EHMT1: variants seen among roughly 807,000 people sequenced by gnomAD.
EHMT1 encodes the protein histone-lysine N-methyltransferase EHMT1.
A neutral mutation model predicts 147.2 loss-of-function variants in EHMT1; 15 were observed. The ratio of observed to expected loss-of-function variants is 0.10; its 90% CI spans 0.07 to 0.16. The LOEUF is 0.16. Among genes scored for constraint, EHMT1 ranks in the 10% least tolerant of loss-of-function variants. The pLI is 1.00. For synonymous variants in EHMT1, 795 were observed against 709.6 expected, an observed-to-expected ratio of 1.12 and a Z score of -1.91; for missense variants, 1,587 against 1,772.4, an observed-to-expected ratio of 0.90 and a Z score of 1.88.
At chr9:137,636,846 G>A (rs545344408) in intron 1 of EHMT1, among the ~76,000 whole-genome samples, 2 of 150,234 alleles carry the variant, frequency 1.3e-5, no homozygotes, top group African/African-American at 4.9e-5. Flanking sequence ...TGGTCTGTAG[G>A]TACCTCTTTT....
At chr9:137,804,038 G>A (rs1261982350) in intron 18 of EHMT1, among the ~76,000 whole-genome samples, 1 of 152,162 alleles carries the variant, frequency 6.6e-6, no homozygotes, top group Non-Finnish European at 1.5e-5. Context: ...GGCAGAAGGT[G>A]AAGGAGAAGC....
At chr9:137,812,936 A>T (rs937565378) in intron 19 of EHMT1, 70 bp from the exon 20 acceptor site, 1 of 1,589,860 alleles carries the variant, frequency 6.3e-7, no homozygotes, top group African/African-American at 1.3e-5. Flanking sequence ...CGGACATTTT[A>T]TAAATCTCAT....
At chr9:137,726,173 A>G (rs1013795975) in intron 3 of EHMT1, among the ~76,000 whole-genome samples, 2 of 152,182 alleles carry the variant, frequency 1.3e-5, no homozygotes, top group African/African-American at 4.8e-5. Context: ...GCTCAGTGGC[A>G]TTAAGCACAT....
At chr9:137,623,456 C>T (rs890013472) in intron 1 of EHMT1, among the ~76,000 whole-genome samples, 1 of 151,890 alleles carries the variant, frequency 6.6e-6, no homozygotes, top group Non-Finnish European at 1.5e-5. Flanking sequence ...GCTCCGTCGC[C>T]CAGGCTGGAG....
chr9:137,830,317 C>A (rs1956103990), intron 25 of EHMT1, among the ~76,000 whole-genome samples: 1 of 152,142 alleles, frequency 6.6e-6, no homozygotes, highest in African/African-American at 2.4e-5. Context: ...TGTCCTTGTG[C>A]TTTTGGAAGA....
chr9:137,808,384 A>G (rs906886259), intron 18 of EHMT1, among the ~76,000 whole-genome samples: 1 of 152,170 alleles, frequency 6.6e-6, no homozygotes, highest in Non-Finnish European at 1.5e-5. Context: ...GCTCCCTCAC[A>G]GACTCGCCTC....
chr9:137,666,485 G>C (rs1048876674), intron 1 of EHMT1, among the ~76,000 whole-genome samples: 4 of 152,252 alleles, frequency 2.6e-5, no homozygotes, highest in Non-Finnish European at 5.9e-5. Flanking sequence ...GGCTGGGAAG[G>C]GATGACACTG....
chr9:137,687,242 G>A (rs1942535239), intron 1 of EHMT1, among the ~76,000 whole-genome samples: 1 of 151,920 alleles, frequency 6.6e-6, no homozygotes, highest in Non-Finnish European at 1.5e-5. Context: ...GTATTAAATG[G>A]GAAAATGTGA....
At chr9:137,823,657 C>T (rs186846033) in intron 25 of EHMT1, among the ~76,000 whole-genome samples, 7,001 of 152,158 alleles carry the variant, frequency 0.046, 510 homozygotes, top group African/African-American at 0.15. Flanking sequence ...GTGATCCGCC[C>T]GCCTCGGCCT....
Position 137,787,591 on chromosome 9 carries a change from A to ACCGCCT in EHMT1, c.2383-3255_2383-3250dup, listed in dbSNP as rs1296773134. 1 of 487,876 alleles carries ACCGCCT rather than the reference A, an allele frequency of 2.0e-6. No homozygotes were observed. The highest frequency in any genetic ancestry group is 3.7e-6 in the Non-Finnish European group (1 of 268,246). The allele number at this position is 487,876 out of a possible 1,614,324, so 30.2% of individuals were successfully genotyped here. A position where few individuals can be genotyped will look rare whatever the true frequency, so the allele number is the denominator to read the frequency against. On this transcript the variant is annotated intron_variant, in intron 15 of 26. Coordinates refer to ENST00000460843, the MANE Select transcript of EHMT1 (RefSeq NM_024757.5). The surrounding 1 kb of genome is among the most constrained non-coding windows in gnomAD (Gnocchi z 4.2). ...TTCGAGGCTGCTGTGGTCGCAGACA[A>ACCGCCT]CCGCCTCGCCTTGGCTCCCTGGCAA...
intron 6 of EHMT1, among the ~76,000 whole-genome samples, chr9:137,745,282 TC>T (rs1948450110): frequency 6.6e-6 from 1 of 152,224 alleles, no homozygotes. Context: ...TGTGTTTTCT[TC>T]CTTTTGCTTC....
At chr9:137,833,871 C>T (rs1157657666) in intron 25 of EHMT1, among the ~76,000 whole-genome samples, 2 of 152,254 alleles carry the variant, frequency 1.3e-5, no homozygotes, top group Non-Finnish European at 1.5e-5. Context: ...TTCCCAGACC[C>T]TCTGGGGACT....
chr9:137,831,291 A>G (rs1956169143), intron 25 of EHMT1, among the ~76,000 whole-genome samples: 1 of 152,188 alleles, frequency 6.6e-6, no homozygotes, highest in Non-Finnish European at 1.5e-5. Context: ...TCTTACACAA[A>G]AAGTGGTAGA....
At chr9:137,698,315 T>C (rs1943567431) in intron 1 of EHMT1, among the ~76,000 whole-genome samples, 2 of 152,246 alleles carry the variant, frequency 1.3e-5, no homozygotes, top group African/African-American at 4.8e-5. Context: ...AGATGTATTA[T>C]TGTAGACATG....
chr9:137,633,498 C>A (rs988798124), intron 1 of EHMT1, among the ~76,000 whole-genome samples: 4 of 152,126 alleles, frequency 2.6e-5, no homozygotes, highest in African/African-American at 9.7e-5. Context: ...AATGTCTTCA[C>A]ACCGATAGCT....
At chr9:137,713,272 T>TA (rs1944908152) in intron 2 of EHMT1, among the ~76,000 whole-genome samples, 1 of 120,260 alleles carries the variant, frequency 8.3e-6, no homozygotes, top group South Asian at 2.3e-4. Context: ...AATTTTTTTT[T>TA]TTTTTTTTTT....
At chr9:137,749,498 C>T (rs2136146424) in intron 6 of EHMT1, among the ~76,000 whole-genome samples, 1 of 152,182 alleles carries the variant, frequency 6.6e-6, no homozygotes, top group Middle Eastern at 3.4e-3. Flanking sequence ...CAGCCTCTCA[C>T]TATGTTGCCC....
intron 4 of EHMT1, chr9:137,743,127 T>G: frequency 2.0e-6 from 1 of 488,662 alleles, no homozygotes; most frequent in Non-Finnish European, 3.7e-6. Context: ...TGCTCCGTGT[T>G]TTGTTGTGAA....
intron 2 of EHMT1, among the ~76,000 whole-genome samples, chr9:137,715,359 A>G (rs1445004294): frequency 1.3e-5 from 2 of 152,256 alleles, no homozygotes; most frequent in Non-Finnish European, 2.9e-5. Flanking sequence ...TTGTTTATTC[A>G]GAACACACAC....
Sources: allele counts gnomAD v4.1 joint callset (sites outside exome capture counted in the v4.1 genomes callset), GRCh38; gene constraint gnomAD v4.1.1; non-coding constraint Gnocchi (gnomAD v3.1); transcripts MANE v1.5; gene names NCBI Gene and HGNC (gene_info 2026-07-23, HGNC 2026-07-21).